AUTS2: variants seen among roughly 807,000 people sequenced by gnomAD.
AUTS2 encodes activator of transcription and developmental regulator AUTS2, also known as autism susceptibility gene 2 protein.
AUTS2 carries 17 observed loss-of-function variants against 112.4 expected under a neutral mutation model. The ratio of observed to expected loss-of-function variants is 0.15; its 90% CI spans 0.10 to 0.23. The LOEUF is 0.23. Among genes scored for constraint, AUTS2 ranks in the 10% least tolerant of loss-of-function variants. AUTS2 has a pLI of 1.00. For missense variants in AUTS2, 1,510 were observed against 1,701.6 expected (o/e 0.89, Z 1.98); for synonymous variants, 751 against 702.7 (o/e 1.07, Z -1.09).
intron 4 of AUTS2, among the ~76,000 whole-genome samples, chr7:70,257,615 G>C (rs1299749575): frequency 5.3e-5 from 8 of 151,528 alleles, no homozygotes; most frequent in African/African-American, 1.7e-4. Context: ...ACTGTGCCTG[G>C]CCTGAAGTTT....
intron 4 of AUTS2, among the ~76,000 whole-genome samples, chr7:70,434,014 G>T (rs1795786355): frequency 6.6e-6 from 1 of 152,092 alleles, no homozygotes; most frequent in Non-Finnish European, 1.5e-5. Context: ...TTTTCCCTTG[G>T]TCCCACTCTG....
At chr7:70,760,029 G>A (rs1028803509) in intron 6 of AUTS2, among the ~76,000 whole-genome samples, 8 of 149,866 alleles carry the variant, frequency 5.3e-5, no homozygotes, top group South Asian at 2.1e-4. Context: ...TTTTTGAGAC[G>A]GAGTCTCACA....
intron 4 of AUTS2, among the ~76,000 whole-genome samples, chr7:70,274,646 A>C (rs1383256124): frequency 6.6e-6 from 1 of 152,140 alleles, no homozygotes; most frequent in Non-Finnish European, 1.5e-5. Flanking sequence ...GAGAGAGCGC[A>C]GGTTGATATG....
intron 1 of AUTS2, among the ~76,000 whole-genome samples, chr7:69,609,100 C>T (rs764339009): frequency 2.6e-5 from 4 of 152,136 alleles, no homozygotes; most frequent in African/African-American, 9.7e-5. Flanking sequence ...CAAATGAAAA[C>T]AACAGCCCAC....
At chr7:69,937,390 G>C (rs13221186) in intron 2 of AUTS2, among the ~76,000 whole-genome samples, 12,807 of 152,274 alleles carry the variant, frequency 0.084, 582 homozygotes, top group Admixed American at 0.11. Flanking sequence ...CCATGGAATG[G>C]TGTGGCTTAG....
At chr7:70,403,402 C>T (rs1794406687) in intron 4 of AUTS2, among the ~76,000 whole-genome samples, 1 of 152,242 alleles carries the variant, frequency 6.6e-6, no homozygotes, top group African/African-American at 2.4e-5. Flanking sequence ...ACTCTCAGTA[C>T]AGGTTGCTAA....
chr7:70,300,501 T>G (rs1789163621), intron 4 of AUTS2, among the ~76,000 whole-genome samples: 1 of 152,194 alleles, frequency 6.6e-6, no homozygotes, highest in African/African-American at 2.4e-5. Context: ...ATAGAAAAAT[T>G]GTGAATGCTT....
intron 2 of AUTS2, among the ~76,000 whole-genome samples, chr7:70,021,777 G>A (rs951646903): frequency 1.6e-4 from 24 of 152,006 alleles, no homozygotes; most frequent in Non-Finnish European, 2.9e-4. Context: ...GTTTAAGAAG[G>A]TTACCCAAAT....
chr7:69,611,107 C>T (rs956786218), intron 1 of AUTS2, among the ~76,000 whole-genome samples: 1 of 152,166 alleles, frequency 6.6e-6, no homozygotes, highest in Non-Finnish European at 1.5e-5. Flanking sequence ...TATTCCTAAC[C>T]ATAGTGACAT....
chr7:70,110,965 G>A (rs1209397478), intron 2 of AUTS2, among the ~76,000 whole-genome samples: 9 of 147,330 alleles, frequency 6.1e-5, no homozygotes, highest in East Asian at 2.0e-4. Flanking sequence ...TCCGCCTCCC[G>A]GGTTCAGGCC....
intron 5 of AUTS2, among the ~76,000 whole-genome samples, chr7:70,684,785 C>T (rs539569161): frequency 6.6e-6 from 1 of 152,246 alleles, no homozygotes; most frequent in East Asian, 1.9e-4. Flanking sequence ...CAGAGGACCT[C>T]CTTACACTCC....
At chr7:70,056,434 A>G (rs1196898020) in intron 2 of AUTS2, among the ~76,000 whole-genome samples, 1 of 152,052 alleles carries the variant, frequency 6.6e-6, no homozygotes, top group East Asian at 1.9e-4. Flanking sequence ...CATATCATTC[A>G]TTCCTCAATA....
At chr7:70,095,296 G>A (rs901487379) in intron 2 of AUTS2, among the ~76,000 whole-genome samples, 5 of 152,112 alleles carry the variant, frequency 3.3e-5, no homozygotes, top group African/African-American at 9.7e-5. Flanking sequence ...TCACGTGTGC[G>A]TGTGCAGTAT....
intron 5 of AUTS2, among the ~76,000 whole-genome samples, chr7:70,642,950 T>A (rs1016253815): frequency 3.3e-5 from 5 of 152,178 alleles, no homozygotes; most frequent in African/African-American, 9.6e-5. Flanking sequence ...GGTGAAGGAG[T>A]CCCTGCATTC....
At chr7:69,807,972 C>G (rs1220276187) in intron 1 of AUTS2, among the ~76,000 whole-genome samples, 1 of 143,842 alleles carries the variant, frequency 7.0e-6, no homozygotes, top group African/African-American at 2.6e-5. Context: ...GAAATGGAGC[C>G]TTGCTCTGTT....
At chr7:70,029,743 T>A (rs887466014) in intron 2 of AUTS2, among the ~76,000 whole-genome samples, 7 of 152,216 alleles carry the variant, frequency 4.6e-5, no homozygotes, top group Admixed American at 1.3e-4. Flanking sequence ...ATCAGCAAAC[T>A]TTTTGCTACA....
intron 4 of AUTS2, among the ~76,000 whole-genome samples, chr7:70,231,885 T>C (rs1259970550): frequency 6.6e-6 from 1 of 152,042 alleles, no homozygotes; most frequent in Non-Finnish European, 1.5e-5. Context: ...GCGATTCTCC[T>C]GCCTCAGCTT....
At chr7:70,031,889 G>T (rs1483643710) in intron 2 of AUTS2, among the ~76,000 whole-genome samples, 1 of 152,100 alleles carries the variant, frequency 6.6e-6, no homozygotes, top group Non-Finnish European at 1.5e-5. Context: ...ACTAAAACTT[G>T]AAATTCACCA....
chr7:70,613,721 A>T (rs1455021910), intron 5 of AUTS2, among the ~76,000 whole-genome samples: 1 of 152,178 alleles, frequency 6.6e-6, no homozygotes, highest in Non-Finnish European at 1.5e-5. Flanking sequence ...GCCCCTAAAT[A>T]GGAGGGGAAT....
Sources: allele counts gnomAD v4.1 joint callset (sites outside exome capture counted in the v4.1 genomes callset), GRCh38; gene constraint gnomAD v4.1.1; transcripts MANE v1.5; gene names NCBI Gene and HGNC (gene_info 2026-07-23, HGNC 2026-07-21).